MDH2: variants seen among roughly 807,000 people sequenced by gnomAD.
MDH2 encodes the protein malate dehydrogenase 2, also known as malate dehydrogenase, mitochondrial.
Under a neutral mutation model 33.6 loss-of-function variants are expected in MDH2, and 25 were observed. That is an observed-to-expected ratio of 0.74 (90% confidence interval 0.54 to 1.04). MDH2 has a LOEUF of 1.04. Among genes scored for constraint, MDH2 ranks in the 50% least tolerant of loss-of-function variants. MDH2 has a pLI of 0.00. For missense variants in MDH2, 432 were observed against 445.0 expected (o/e 0.97, Z 0.26); for synonymous variants, 193 against 188.7 (o/e 1.02, Z -0.19).
At chr7:76,048,955 G>GGCGC in intron 1 of MDH2, 1 of 719,036 alleles carries the variant, frequency 1.4e-6, no homozygotes, top group Non-Finnish European at 1.7e-6. Flanking sequence ...ACAGACGTCT[G>GGCGC]GGTTCATTGA....
Position 76,060,241 on chromosome 7 carries a change from G to C in MDH2, c.430-132G>C, listed in dbSNP as rs548949740. ...CTTGCCAGTACAGAGTTATCAGACA[G>C]GGCAGTTTAATGTGGCATCTTTGGA... is the stretch of plus-strand genomic sequence containing the variant. On this transcript the variant is annotated intron_variant, in intron 4 of 8. Transcript: ENST00000315758. 25 of 1,190,714 alleles carry C rather than the reference G, an allele frequency of 2.1e-5. No homozygotes were observed. In the East Asian group the frequency reaches 6.5e-4, roughly 31 times the overall value. 73.8% of individuals were successfully genotyped at this position (1,190,714 alleles called of 1,614,324 possible). A position where few individuals can be genotyped will look rare whatever the true frequency, so the allele number is the denominator to read the frequency against.
chr7:76,050,873 A>G (rs1217602928), intron 1 of MDH2, among the ~76,000 whole-genome samples: 1 of 152,020 alleles, frequency 6.6e-6, no homozygotes, highest in Non-Finnish European at 1.5e-5. Flanking sequence ...CAGGGAGAAG[A>G]TATCAGGAGT....
chr7:76,049,374 T>C (rs1554584961), intron 1 of MDH2, among the ~76,000 whole-genome samples: 17 of 152,188 alleles, frequency 1.1e-4, no homozygotes. Context: ...ATTAAGTACC[T>C]GTGCTTGCCA....
intron 1 of MDH2, among the ~76,000 whole-genome samples, chr7:76,053,579 T>C (rs1267255060): frequency 6.6e-6 from 1 of 152,082 alleles, no homozygotes; most frequent in Non-Finnish European, 1.5e-5. Context: ...TTGATTCGGA[T>C]TTTGGTTTGT....
At position 76,066,853 on chromosome 7, in the gene MDH2, T is replaced by C. The variant is rs575020969; in HGVS notation, c.*443T>C. On this transcript the variant is annotated 3_prime_UTR_variant, in exon 9 of 9. Transcript: ENST00000315758. ...GCCCAGGCCTGATTCCTCCTGGGGG[T>C]AGTTCACCCCCACGGGTTCATAGTT... 2.0e-5 allele frequency: 3 copies of C among 152,524 alleles called. No homozygotes were observed. Among genetic ancestry groups the C allele is most frequent in the African/African-American group, 7.2e-5 (3 of 41,562 alleles). The allele number at this position is 152,524 out of a possible 1,614,324, so 9.4% of individuals were successfully genotyped here. A position where few individuals can be genotyped will look rare whatever the true frequency, so the allele number is the denominator to read the frequency against.
chr7:76,063,194 G>A (rs989582144), intron 5 of MDH2, among the ~76,000 whole-genome samples: 3 of 152,238 alleles, frequency 2.0e-5, no homozygotes, highest in Admixed American at 6.5e-5. Flanking sequence ...CCAGGCCCGG[G>A]GGGGGCCTCC....
Position 76,066,282 on chromosome 7 carries a change from AAG to A in MDH2, c.890_891del (p.Lys297ArgfsTer15). On this transcript the variant is annotated frameshift_variant, in exon 9 of 9. Coordinates refer to ENST00000315758, the MANE Select transcript of MDH2 (RefSeq NM_005918.4). LOFTEE classifies it high-confidence loss of function. The stretch of plus-strand genomic sequence containing the variant: ...AACATGTTCCCATCTCCCTCAGAAA[AAG>A]GGCATCGAGAAGAACCTGGGCATCG... ...YFSTPLLLGK[K>X]GIEKNLGIGK... The A allele has an allele frequency of 6.2e-7, 1 of 1,606,664 alleles. No individual in the cohort carries two copies. Among genetic ancestry groups the A allele is most frequent in the African/African-American group, 1.4e-5 (1 of 74,030 alleles).
chr7:76,064,722 G>C, intron 7 of MDH2, 80 bp from the exon 8 acceptor site: 1 of 1,471,846 alleles, frequency 6.8e-7, no homozygotes. Flanking sequence ...AGGTGTGCAG[G>C]TGTCTTGGCT....
rs936270761 is a variant in MDH2 at position 76,066,981 on chromosome 7, A to C, written c.*571A>C. 2 of 152,148 alleles carry C rather than the reference A, an allele frequency of 1.3e-5. No homozygotes were observed. Among genetic ancestry groups the C allele is most frequent in the African/African-American group, 4.8e-5 (2 of 41,400 alleles). 9.4% of individuals were successfully genotyped at this position (152,148 alleles called of 1,614,324 possible). ...GTCCCCCTTGGGATTTCATCTTCTG[A>C]CCGAACCCTGATGTTCAGTGGCAGA... On this transcript the variant is annotated 3_prime_UTR_variant, in exon 9 of 9. Coordinates refer to ENST00000315758, the MANE Select transcript of MDH2 (RefSeq NM_005918.4).
chr7:76,057,905 A>C, intron 3 of MDH2, 64 bp from the exon 4 acceptor site: 1 of 1,497,858 alleles, frequency 6.7e-7, no homozygotes, highest in Middle Eastern at 1.7e-4. Context: ...GGCGCTCAGC[A>C]CATGCTGCCT....
Position 76,067,038 on chromosome 7 carries a change from A to G in MDH2, c.*628A>G, listed in dbSNP as rs1243264028. 6.6e-6 allele frequency: 1 copy of G among 152,218 alleles called. No individual in the cohort carries two copies. Among genetic ancestry groups the G allele is most frequent in the Non-Finnish European group, 1.5e-5 (1 of 68,050 alleles). The allele number at this position is 152,218 out of a possible 1,614,324, so 9.4% of individuals were successfully genotyped here. A position where few individuals can be genotyped will look rare whatever the true frequency, so the allele number is the denominator to read the frequency against. On this transcript the variant is annotated 3_prime_UTR_variant, in exon 9 of 9. Coordinates refer to ENST00000315758, the MANE Select transcript of MDH2 (RefSeq NM_005918.4). ...CCATAGCCAGAACTGTGGGTAGACC[A>G]GGGTTGGGGTGTGCGGTTTGGGACA...
At chr7:76,048,396 G>A (rs1563540688) in intron 1 of MDH2, 170 bp downstream of exon 1, 1 of 1,164,448 alleles carries the variant, frequency 8.6e-7, no homozygotes, top group Non-Finnish European at 1.2e-6. Context: ...TGGCCTGGAG[G>A]TGCGGGGGAG....
chr7:76,051,252 G>T (rs1418435789), intron 1 of MDH2, among the ~76,000 whole-genome samples: 1 of 151,960 alleles, frequency 6.6e-6, no homozygotes, highest in Non-Finnish European at 1.5e-5. Context: ...TTGTTGAGAA[G>T]GCAGCTGATG....
Position 76,066,716 on chromosome 7 carries a change from G to A in MDH2, c.*306G>A, listed in dbSNP as rs1277987375. ...TTTAACTGTTAGACTGAAGCGTGAC[G>A]CTTTCATCAGTAGCTTCAAGAAAGT... On this transcript the variant is annotated 3_prime_UTR_variant, in exon 9 of 9. Transcript: ENST00000315758. 3.8e-5 allele frequency: 8 copies of A among 211,106 alleles called. No homozygotes were observed. In the East Asian group the frequency reaches 4.5e-4, roughly 12 times the overall value. The allele number at this position is 211,106 out of a possible 1,614,324, so 13.1% of individuals were successfully genotyped here.
intron 1 of MDH2, 93 bp downstream of exon 1, chr7:76,048,319 C>T (rs1464388489): frequency 6.3e-6 from 9 of 1,437,092 alleles, no homozygotes; most frequent in Non-Finnish European, 8.2e-6. Flanking sequence ...CCTCTCCAGG[C>T]CAGCCTGGAC....
In MDH2 at chr7:76,064,899, C is replaced by T. The variant is rs554804269; in HGVS notation, c.831C>T (p.Phe277=). The part of the protein sequence containing the change: ...NGKEGVVECS[F]VKSQETECTY... The stretch of plus-strand genomic sequence containing the variant: ...AGGAAGGTGTTGTGGAATGTTCCTT[C>T]GTTAAGTCACAGGAAACGGAATGTA... The change falls in exon 8 of 9, where the codon TTC becomes TTT. Residue 277 remains phenylalanine, a synonymous_variant. Transcript: ENST00000315758. 7.7e-5 allele frequency: 124 copies of T among 1,614,160 alleles called. No homozygotes were observed. The highest frequency in any genetic ancestry group is 2.2e-5 in the South Asian group (2 of 91,088).
At chr7:76,053,817 G>A (rs1429720215) in intron 1 of MDH2, among the ~76,000 whole-genome samples, 1 of 152,118 alleles carries the variant, frequency 6.6e-6, no homozygotes, top group Non-Finnish European at 1.5e-5. Flanking sequence ...AAGCTCCCTG[G>A]GTATGGCTGT....
intron 4 of MDH2, among the ~76,000 whole-genome samples, chr7:76,058,908 C>T (rs1797865244): frequency 1.3e-5 from 2 of 152,182 alleles, no homozygotes; most frequent in African/African-American, 2.4e-5. Context: ...CTGTCCTGGG[C>T]GGGATGGAGC....
chr7:76,064,194 T>C, intron 6 of MDH2, 145 bp from the exon 7 acceptor site: 1 of 582,566 alleles, frequency 1.7e-6, no homozygotes, highest in East Asian at 3.0e-5. Flanking sequence ...TCTATAAAGG[T>C]TTTCTTTTTC....
Sources: allele counts gnomAD v4.1 joint callset (sites outside exome capture counted in the v4.1 genomes callset), GRCh38; gene constraint gnomAD v4.1.1; transcripts MANE v1.5; gene names NCBI Gene and HGNC (gene_info 2026-07-23, HGNC 2026-07-21).